Variants in ABCG2 observed in about 807,000 individuals in gnomAD.
ABCG2 encodes broad substrate specificity ATP-binding cassette transporter ABCG2.
A neutral mutation model predicts 73.5 loss-of-function variants in ABCG2; 80 were observed. The observed-to-expected ratio is 1.09, with a 90% CI of 0.91 to 1.31. The LOEUF (loss-of-function observed/expected upper bound fraction) is 1.31, where lower values mean the gene tolerates loss of function less well. Among genes scored for constraint, ABCG2 ranks in the 50% most tolerant of loss-of-function variants. ABCG2 has a pLI of 0.00. For missense variants in ABCG2, 796 were observed against 786.2 expected (o/e 1.01, Z -0.15); for synonymous variants, 269 against 282.4 (o/e 0.95, Z 0.48).
chr4:88,164,980 G>C (rs1727459266), intron 1 of ABCG2, among the ~76,000 whole-genome samples: 1 of 152,078 alleles, frequency 6.6e-6, no homozygotes, highest in Non-Finnish European at 1.5e-5. Context: ...GTCTCACCAT[G>C]TTGCCTCAGC....
At chr4:88,192,960 G>A (rs960953754) in intron 1 of ABCG2, among the ~76,000 whole-genome samples, 82 of 151,414 alleles carry the variant, frequency 5.4e-4, no homozygotes, top group African/African-American at 1.7e-3. Flanking sequence ...TGATCCACCC[G>A]CCTCAGCCTC....
chr4:88,172,023 C>T (rs778506844), intron 1 of ABCG2, among the ~76,000 whole-genome samples: 12 of 151,720 alleles, frequency 7.9e-5, no homozygotes, highest in African/African-American at 2.9e-4. Flanking sequence ...AGGCTGGGTG[C>T]GTTGGCTCAT....
At chr4:88,163,578 A>C (rs182058119), upstream of ABCG2, 26 of 166,378 alleles carry the variant, frequency 1.6e-4, no homozygotes, top group East Asian at 3.3e-3. Flanking sequence ...GGCCAGGCAG[A>C]ATGGCTCCTG....
chr4:88,123,393 T>C (rs1724148165), intron 5 of ABCG2, among the ~76,000 whole-genome samples: 1 of 151,906 alleles, frequency 6.6e-6, no homozygotes, highest in Non-Finnish European at 1.5e-5. Context: ...TCTAACCCAA[T>C]GCAAGGAAGC....
At chr4:88,224,908 A>G (rs1469572039) in intron 1 of ABCG2, among the ~76,000 whole-genome samples, 1 of 152,190 alleles carries the variant, frequency 6.6e-6, no homozygotes, top group African/African-American at 2.4e-5. Context: ...GCATGTGGCT[A>G]TCCAGTTTCC....
chr4:88,200,804 G>A (rs1235382112), intron 1 of ABCG2, among the ~76,000 whole-genome samples: 1 of 152,102 alleles, frequency 6.6e-6, no homozygotes, highest in East Asian at 1.9e-4. Context: ...GAGCCACCGT[G>A]CCCAGCCTAT....
At chr4:88,176,024 A>G (rs1727952470) in intron 1 of ABCG2, among the ~76,000 whole-genome samples, 1 of 152,232 alleles carries the variant, frequency 6.6e-6, no homozygotes, top group African/African-American at 2.4e-5. Flanking sequence ...ACCCTTGTGA[A>G]AAATTCCTCA....
At chr4:88,168,082 G>A (rs1727612720) in intron 1 of ABCG2, among the ~76,000 whole-genome samples, 1 of 152,000 alleles carries the variant, frequency 6.6e-6, no homozygotes, top group South Asian at 2.1e-4. Context: ...GAGGGGGCAG[G>A]GGATTGTGGG....
chr4:88,213,435 C>G (rs1362673350), intron 1 of ABCG2, among the ~76,000 whole-genome samples: 2 of 152,094 alleles, frequency 1.3e-5, no homozygotes, highest in African/African-American at 4.8e-5. Context: ...TTCACCGTAT[C>G]TGCCCACCCA....
At chr4:88,143,513 T>G (rs1183637770) in intron 1 of ABCG2, among the ~76,000 whole-genome samples, 5 of 152,190 alleles carry the variant, frequency 3.3e-5, no homozygotes, top group African/African-American at 4.8e-5. Flanking sequence ...AGAGCTAAAG[T>G]ACCCAAGAAA....
chr4:88,159,489 T>C (rs901134827), upstream of ABCG2, among the ~76,000 whole-genome samples: 1 of 152,252 alleles, frequency 6.6e-6, no homozygotes, highest in Non-Finnish European at 1.5e-5. Flanking sequence ...ACTGACATAC[T>C]TCTGTGCAAT....
chr4:88,214,714 G>A (rs1157451828), intron 1 of ABCG2, among the ~76,000 whole-genome samples: 2 of 151,826 alleles, frequency 1.3e-5, no homozygotes, highest in Admixed American at 6.6e-5. Flanking sequence ...TTTTTGTAAC[G>A]ATTCTCCCAT....
At chr4:88,106,924 C>T (rs922955354) in intron 10 of ABCG2, among the ~76,000 whole-genome samples, 44 of 152,194 alleles carry the variant, frequency 2.9e-4, no homozygotes, top group Admixed American at 2.6e-3. Flanking sequence ...TGTCTGTAGT[C>T]GAGGCTACTT....
intron 1 of ABCG2, among the ~76,000 whole-genome samples, chr4:88,191,282 A>G (rs2110107440): frequency 6.7e-6 from 1 of 150,122 alleles, no homozygotes; most frequent in East Asian, 2.0e-4. Flanking sequence ...AAAAAAAAAA[A>G]ACAAAAAGGG....
At chr4:88,096,877 G>A (rs1462515306) in intron 13 of ABCG2, among the ~76,000 whole-genome samples, 1 of 152,032 alleles carries the variant, frequency 6.6e-6, no homozygotes, top group Non-Finnish European at 1.5e-5. Flanking sequence ...AAATACGAGA[G>A]GGAACCAAAA....
At chr4:88,182,819 C>T (rs1728310773) in intron 1 of ABCG2, among the ~76,000 whole-genome samples, 1 of 152,088 alleles carries the variant, frequency 6.6e-6, no homozygotes, top group African/African-American at 2.4e-5. Context: ...GGCGTGGTGG[C>T]TCACGCCTGT....
chr4:88,198,948 A>T (rs1729041720), intron 1 of ABCG2, among the ~76,000 whole-genome samples: 1 of 152,062 alleles, frequency 6.6e-6, no homozygotes, highest in Admixed American at 6.6e-5. Context: ...GTATATGTAT[A>T]TATATGTGTG....
chr4:88,217,950 A>G (rs1245663488), intron 1 of ABCG2, among the ~76,000 whole-genome samples: 1 of 145,318 alleles, frequency 6.9e-6, no homozygotes, highest in Admixed American at 7.2e-5. Context: ...TGGTTGACAG[A>G]GTAAGACGAT....
intron 1 of ABCG2, among the ~76,000 whole-genome samples, chr4:88,189,495 C>T (rs1025698477): frequency 6.6e-6 from 1 of 151,462 alleles, no homozygotes; most frequent in African/African-American, 2.4e-5. Flanking sequence ...GCCTGGGCAA[C>T]AGAGTGAGAC....
Sources: allele counts gnomAD v4.1 joint callset (sites outside exome capture counted in the v4.1 genomes callset), GRCh38; gene constraint gnomAD v4.1.1; transcripts MANE v1.5; gene names NCBI Gene and HGNC (gene_info 2026-07-23, HGNC 2026-07-21).